Variants in HAUS7 observed in about 807,000 individuals in gnomAD.
HAUS7 encodes the protein HAUS augmin-like complex subunit 7.
Under a neutral mutation model 28.4 loss-of-function variants are expected in HAUS7, and 3 were observed. That is an observed-to-expected ratio of 0.11 (90% confidence interval 0.05 to 0.27). The LOEUF (loss-of-function observed/expected upper bound fraction) is 0.27. Ranked by LOEUF, HAUS7 falls within the 10% of genes least tolerant of loss-of-function variation. The probability of loss-of-function intolerance (pLI) is 1.00; values close to 1 mark genes in which losing one functional copy is unlikely to be tolerated. For synonymous variants in HAUS7, 165 were observed against 132.1 expected, an observed-to-expected ratio of 1.25 and a Z score of -1.71; for missense variants, 284 against 297.3, an observed-to-expected ratio of 0.96 and a Z score of 0.33.
intron 1 of HAUS7, among the ~76,000 whole-genome samples, chrX:153,485,445 G>A (rs1556988277): frequency 2.7e-5 from 3 of 111,977 alleles, no homozygotes; most frequent in South Asian, 3.8e-4. Flanking sequence ...CACCTGGAGG[G>A]AAGGAAGTGA....
At chrX:153,457,051 A>G (rs73640039) in intron 5 of HAUS7, 86 bp downstream of exon 5, 15,292 of 617,364 alleles carry the variant, frequency 0.025, 871 homozygotes, top group African/African-American at 0.22. Flanking sequence ...TCAGAGGGGG[A>G]GTGACACCCC....
intron 4 of HAUS7, among the ~76,000 whole-genome samples, chrX:153,458,590 T>C (rs1440017179): frequency 2.7e-5 from 3 of 112,436 alleles, no homozygotes; most frequent in African/African-American, 9.7e-5. Flanking sequence ...ATGTATATTT[T>C]CACTTCTCCT....
upstream of HAUS7, chrX:153,471,114 C>T (rs1486406966): frequency 3.5e-6 from 1 of 288,209 alleles, no homozygotes; most frequent in Non-Finnish European, 6.9e-6. Flanking sequence ...TCTCCCAGCG[C>T]GGGGCTCCGT....
At chrX:153,467,325 C>T (rs782750007) in intron 2 of HAUS7, among the ~76,000 whole-genome samples, 2 of 111,879 alleles carry the variant, frequency 1.8e-5, no homozygotes, top group Non-Finnish European at 3.8e-5. Flanking sequence ...CCCTCCAAAT[C>T]CATCTGCCAC....
intron 1 of HAUS7, chrX:153,485,947 G>A (rs1448142893): frequency 2.1e-6 from 2 of 972,409 alleles, no homozygotes; most frequent in Non-Finnish European, 2.7e-6. Context: ...ACAGGCTGCA[G>A]GCTGACGGCA....
At chrX:153,472,720 C>A (rs920126711), upstream of HAUS7, among the ~76,000 whole-genome samples, 1 of 97,149 alleles carries the variant, frequency 1.0e-5, no homozygotes, top group Non-Finnish European at 2.1e-5. Flanking sequence ...GGTGGGTGGG[C>A]GGGGATGTGG....
intron 3 of HAUS7, among the ~76,000 whole-genome samples, chrX:153,463,371 C>A (rs1288127783): frequency 1.8e-5 from 2 of 111,885 alleles, no homozygotes; most frequent in African/African-American, 6.5e-5. Flanking sequence ...CCTGTTCCAC[C>A]ACTGCCCTTA....
At chrX:153,453,311 T>C (rs1253541024) in intron 9 of HAUS7, among the ~76,000 whole-genome samples, 4 of 111,664 alleles carry the variant, frequency 3.6e-5, no homozygotes, top group African/African-American at 1.3e-4. Context: ...GGGTTTCTTC[T>C]GGGGGTGATA....
rs371637396 is a variant in HAUS7 at position 153,454,511 on chromosome X, GGGGAGGGA to G, written c.931-11_931-4del. On this transcript the variant is annotated splice_region_variant and splice_polypyrimidine_tract_variant and intron_variant, in intron 8 of 9. Transcript: ENST00000370211. ...ACTGCCATGACCACTTGCAGCAGCT[GGGGAGGGA>G]GGGAGGGAGGGAGGGAGGGAGGGAG... 1,428 of 563,239 alleles carry G rather than the reference GGGGAGGGA, an allele frequency of 2.5e-3. 10 individuals are homozygous for G. The highest frequency in any genetic ancestry group is 0.01 in the African/African-American group (341 of 33,947). 46.4% of individuals were successfully genotyped at this position (563,239 alleles called of 1,213,427 possible).
intron 2 of HAUS7, among the ~76,000 whole-genome samples, chrX:153,468,489 G>A (rs782816881): frequency 4.5e-4 from 51 of 112,596 alleles, no homozygotes; most frequent in Non-Finnish European, 8.3e-4. Context: ...CAGGGACTAC[G>A]TCACCAGGGG....
In HAUS7 at chrX:153,469,244, G is replaced by A; in HGVS notation, c.126C>T (p.Phe42=). 1 of 1,141,939 alleles carries A rather than the reference G, an allele frequency of 8.8e-7. No individual in the cohort carries two copies. The allele number at this position is 1,141,939 out of a possible 1,213,427, so 94.1% of individuals were successfully genotyped here. A position where few individuals can be genotyped will look rare whatever the true frequency, so the allele number is the denominator to read the frequency against. The change falls in exon 2 of 10, where the codon TTC becomes TTT. Residue 42 remains phenylalanine (F), a synonymous_variant. Transcript: ENST00000370211. ...GCTCTGTGATATACAGACCCTCGAG[G>A]AAGGGGCAGTTTAGGTCCTAAGCAA... ...FGKLKDLNCP[F]LEGLYITEPK...
chrX:153,469,010 G>A (rs1406843781), intron 2 of HAUS7, 136 bp downstream of exon 2: 2 of 471,459 alleles, frequency 4.2e-6, no homozygotes, highest in South Asian at 3.2e-5. Context: ...CTGTTCTCAC[G>A]AGGGTCCAGG....
rs782597035 is a variant in HAUS7, at chrX:153,455,629, G to A, written c.843C>T (p.Gly281=). Residue 281 remains glycine, a synonymous_variant, in exon 8 of 10, where the codon GGC becomes GGT. Coordinates refer to ENST00000370211, the MANE Select transcript of HAUS7 (RefSeq NM_001385482.1). ...AFLQVYDDEL[G]ECCQRPGPDL... is the part of the protein sequence containing the mutation. The stretch of plus-strand genomic sequence containing the variant: ...CAGGGCCTGGGCGCTGGCAGCACTC[G>A]CCCAGCTCGTCGTCGTAGACTTGGA... The A allele has an allele frequency of 1.2e-5, 15 of 1,207,376 alleles. No homozygotes were observed. The highest frequency in any genetic ancestry group is 3.5e-5 in the South Asian group (2 of 56,812).
intron 2 of HAUS7, among the ~76,000 whole-genome samples, chrX:153,467,280 C>T (rs2089465339): frequency 8.9e-6 from 1 of 112,008 alleles, no homozygotes; most frequent in Non-Finnish European, 1.9e-5. Flanking sequence ...TTCTGTCTTT[C>T]CCTGGGGTAT....
At chrX:153,461,770 T>G (rs2089394695) in intron 4 of HAUS7, 1 of 249,765 alleles carries the variant, frequency 4.0e-6, no homozygotes, top group Admixed American at 6.8e-5. Flanking sequence ...AAACTGGAGC[T>G]CTCCCGCGCT....
intron 1 of HAUS7, among the ~76,000 whole-genome samples, chrX:153,492,924 G>C (rs1483498812): frequency 1.5e-4 from 17 of 111,788 alleles, no homozygotes; most frequent in African/African-American, 5.5e-4. Context: ...ACAGCTCCTG[G>C]GTTCTCAGTC....
In HAUS7 at chrX:153,456,347, T is replaced by G; in HGVS notation, c.623A>C (p.Lys208Thr). Residue 208 changes from lysine (K) to threonine (T), a missense_variant, in exon 7 of 10, where the codon AAG becomes ACG. By Grantham distance (78) the Lys-to-Thr change is moderately conservative. Coordinates refer to ENST00000370211, the MANE Select transcript of HAUS7 (RefSeq NM_001385482.1). ...CGCCAGCTTCTCCTCCTCCTCGGAC[T>G]TGGCAGAGGCACTGGCCCTGCAGGG... ...DDWQWASASA[K>T]SEEEEKLAEL... 9 of 1,209,725 alleles carry G rather than the reference T, an allele frequency of 7.4e-6. No individual in the cohort carries two copies. The highest frequency in any genetic ancestry group is 1.0e-5 in the Non-Finnish European group (9 of 893,543).
At chrX:153,475,170 A>G (rs1293287078), upstream of HAUS7, among the ~76,000 whole-genome samples, 2 of 112,388 alleles carry the variant, frequency 1.8e-5, no homozygotes, top group Non-Finnish European at 3.8e-5. Flanking sequence ...AAGCCACGCT[A>G]TGGGCGGGAA....
At chrX:153,491,616 G>T (rs1298445334) in intron 1 of HAUS7, among the ~76,000 whole-genome samples, 1 of 113,287 alleles carries the variant, frequency 8.8e-6, no homozygotes, top group Non-Finnish European at 1.9e-5. Context: ...GCTGTCCCAG[G>T]CAGGCTGGGG....
Sources: allele counts gnomAD v4.1 joint callset (sites outside exome capture counted in the v4.1 genomes callset), GRCh38; gene constraint gnomAD v4.1.1; transcripts MANE v1.5; gene names NCBI Gene and HGNC (gene_info 2026-07-23, HGNC 2026-07-21).